L3MBTL4: variants seen among roughly 807,000 people sequenced by gnomAD.
L3MBTL4 encodes the protein L3MBTL histone methyl-lysine binding protein 4, also known as lethal(3)malignant brain tumor-like protein 4.
A neutral mutation model predicts 84.5 loss-of-function variants in L3MBTL4; 70 were observed. That is an observed-to-expected ratio of 0.83 (90% CI 0.68 to 1.01). The LOEUF (loss-of-function observed/expected upper bound fraction) is 1.01. L3MBTL4 is among the 50% of genes least tolerant of loss of function. L3MBTL4 has a pLI of 0.00. For synonymous variants in L3MBTL4, 274 were observed against 259.8 expected (o/e 1.05, Z -0.52); for missense variants, 715 against 754.8 (o/e 0.95, Z 0.62).
chr18:6,214,829 T>C (rs979275636), intron 11 of L3MBTL4, among the ~76,000 whole-genome samples: 1 of 152,194 alleles, frequency 6.6e-6, no homozygotes, highest in Non-Finnish European at 1.5e-5. Flanking sequence ...AGTTGCCTTC[T>C]TAGCTACTTT....
Position 6,014,860 on chromosome 18 carries a change from T to C in L3MBTL4, c.1445-45298A>G, listed in dbSNP as rs191970554. Among the ~76,000 whole-genome samples, 189 of 152,266 alleles carry C rather than the reference T, an allele frequency of 1.2e-3. 1 individual carries two copies. The highest frequency in any genetic ancestry group is 3.2e-4 in the Non-Finnish European group (22 of 68,014). On this transcript the variant is annotated intron_variant, in intron 16 of 18. Transcript: ENST00000317931. ...TTGGTGGGCAGTGTGAAGAAAGGAT[T>C]AGTTACACAGGGCAATGGTGGAAAC... is the stretch of plus-strand genomic sequence containing the variant.
At chr18:6,107,009 T>C (rs2059030485) in intron 14 of L3MBTL4, among the ~76,000 whole-genome samples, 1 of 152,222 alleles carries the variant, frequency 6.6e-6, no homozygotes, top group South Asian at 2.1e-4. Flanking sequence ...TTATTATAAT[T>C]ATGTATATGT....
intron 4 of L3MBTL4, among the ~76,000 whole-genome samples, chr18:6,270,164 T>C (rs2048805207): frequency 6.6e-6 from 1 of 152,164 alleles, no homozygotes; most frequent in African/African-American, 2.4e-5. Flanking sequence ...GATACGATCT[T>C]CCCAATCTGA....
At chr18:6,142,935 A>G (rs2060241547) in intron 13 of L3MBTL4, among the ~76,000 whole-genome samples, 1 of 152,204 alleles carries the variant, frequency 6.6e-6, no homozygotes, top group Non-Finnish European at 1.5e-5. Context: ...TGCTTGTGTC[A>G]TTCAGTAAAT....
chr18:6,100,397 A>G (rs1455934798), intron 14 of L3MBTL4, among the ~76,000 whole-genome samples: 1 of 151,752 alleles, frequency 6.6e-6, no homozygotes, highest in Admixed American at 6.6e-5. Context: ...CTATTCTGTC[A>G]TTTGTTTCAT....
intron 16 of L3MBTL4, among the ~76,000 whole-genome samples, chr18:6,024,421 C>G (rs1323150322): frequency 2.0e-5 from 3 of 152,162 alleles, no homozygotes; most frequent in Non-Finnish European, 2.9e-5. Context: ...AATACAAATA[C>G]AACATTTACA....
intron 9 of L3MBTL4, among the ~76,000 whole-genome samples, chr18:6,239,298 G>A (rs1024172119): frequency 5.1e-5 from 7 of 136,516 alleles, no homozygotes; most frequent in South Asian, 2.3e-4. Context: ...CCGAGATCCC[G>A]CCACTGCACT....
chr18:6,233,938 A>G (rs1165743320), intron 10 of L3MBTL4, among the ~76,000 whole-genome samples: 1 of 152,214 alleles, frequency 6.6e-6, no homozygotes, highest in African/African-American at 2.4e-5. Context: ...TACAGTAACC[A>G]TAACAGCATG....
At chr18:6,027,117 A>T (rs6506358) in intron 16 of L3MBTL4, among the ~76,000 whole-genome samples, 122,767 of 151,966 alleles carry the variant, frequency 0.81, 49,948 homozygotes, top group Admixed American at 0.86. Context: ...TTGCTGCACC[A>T]ATCAATTCAT....
At chr18:6,390,849 C>A (rs549821436) in intron 1 of L3MBTL4, among the ~76,000 whole-genome samples, 1 of 152,108 alleles carries the variant, frequency 6.6e-6, no homozygotes, top group African/African-American at 2.4e-5. Context: ...ATCACCAGCA[C>A]CAACAACAAA....
At chr18:6,124,557 C>T (rs1409578076) in intron 14 of L3MBTL4, among the ~76,000 whole-genome samples, 1 of 151,770 alleles carries the variant, frequency 6.6e-6, no homozygotes, top group Non-Finnish European at 1.5e-5. Flanking sequence ...AAGATGATAG[C>T]AAGCAACAGG....
At chr18:6,198,390 C>A (rs2045501894) in intron 12 of L3MBTL4, among the ~76,000 whole-genome samples, 1 of 152,206 alleles carries the variant, frequency 6.6e-6, no homozygotes, top group Admixed American at 6.5e-5. Flanking sequence ...CTGTACCACT[C>A]TCAATATACT....
chr18:6,393,921 A>C (rs1287986576), intron 1 of L3MBTL4, among the ~76,000 whole-genome samples: 3 of 150,872 alleles, frequency 2.0e-5, no homozygotes, highest in Non-Finnish European at 4.4e-5. Flanking sequence ...CATCACCTCT[A>C]CTCCCTCACC....
intron 13 of L3MBTL4, among the ~76,000 whole-genome samples, chr18:6,151,016 T>A (rs772048978): frequency 1.3e-5 from 2 of 152,014 alleles, no homozygotes; most frequent in Non-Finnish European, 2.9e-5. Context: ...CTCCACAAGG[T>A]CAGAGGCCAC....
chr18:6,391,680 T>C (rs75428620), intron 1 of L3MBTL4, among the ~76,000 whole-genome samples: 1,564 of 151,718 alleles, frequency 0.01, 25 homozygotes, highest in African/African-American at 0.035. Flanking sequence ...CACCACTAAA[T>C]ACCAACAATG....
At chr18:6,333,740 A>T (rs550983046) in intron 1 of L3MBTL4, among the ~76,000 whole-genome samples, 46 of 152,314 alleles carry the variant, frequency 3.0e-4, no homozygotes, top group African/African-American at 1.1e-3. Flanking sequence ...TGGAAACAAG[A>T]CATCTTTTTT....
chr18:6,070,019 C>T (rs977486936), intron 16 of L3MBTL4, among the ~76,000 whole-genome samples: 1 of 151,972 alleles, frequency 6.6e-6, no homozygotes, highest in Non-Finnish European at 1.5e-5. Flanking sequence ...CAGGCTGAAG[C>T]ATGTACTAAA....
chr18:5,966,929 T>C (rs1374779948), intron 17 of L3MBTL4, among the ~76,000 whole-genome samples: 1 of 152,204 alleles, frequency 6.6e-6, no homozygotes, highest in Non-Finnish European at 1.5e-5. Flanking sequence ...CTACTGCCTG[T>C]GCCTTTGAAA....
At chr18:6,128,609 C>G (rs2059777447) in intron 14 of L3MBTL4, among the ~76,000 whole-genome samples, 1 of 152,124 alleles carries the variant, frequency 6.6e-6, no homozygotes, top group Admixed American at 6.5e-5. Context: ...CTTCAATATT[C>G]TGAAGGAAAA....
Sources: allele counts gnomAD v4.1 joint callset (sites outside exome capture counted in the v4.1 genomes callset), GRCh38; gene constraint gnomAD v4.1.1; transcripts MANE v1.5; gene names NCBI Gene and HGNC (gene_info 2026-07-23, HGNC 2026-07-21).